The following SPEN variants were observed in gnomAD, a reference collection of about 807,000 sequenced individuals.
SPEN encodes spen family transcriptional repressor.
SPEN carries 18 observed loss-of-function variants against 269.9 expected under a neutral mutation model. The observed-to-expected ratio is 0.07, with a 90% confidence interval of 0.05 to 0.10. The LOEUF (loss-of-function observed/expected upper bound fraction) is 0.10, where lower values mean the gene tolerates loss of function less well. Ranked by LOEUF, SPEN falls within the 10% of genes least tolerant of loss-of-function variation. The pLI, the probability that SPEN is intolerant of heterozygous loss-of-function variation, is 1.00. For synonymous variants in SPEN, 1,726 were observed against 1,765.7 expected (o/e 0.98, Z 0.56); for missense variants, 3,822 against 4,631.2 (o/e 0.83, Z 5.07).
intron 3 of SPEN, among the ~76,000 whole-genome samples, chr1:15,899,922 T>G (rs757976160): frequency 1.3e-5 from 2 of 152,008 alleles, no homozygotes. Context: ...CTCGGCTCAC[T>G]GCAACCTCTG....
intron 3 of SPEN, among the ~76,000 whole-genome samples, chr1:15,902,846 A>G (rs1187050853): frequency 6.6e-6 from 1 of 152,150 alleles, no homozygotes; most frequent in Non-Finnish European, 1.5e-5. Context: ...CCCTCTAACT[A>G]TGTTAGTTGC....
chr1:15,890,335 G>A (rs1038757363), intron 3 of SPEN, among the ~76,000 whole-genome samples: 1 of 151,744 alleles, frequency 6.6e-6, no homozygotes, highest in African/African-American at 2.4e-5. Context: ...GGGTTCAAGC[G>A]ATTTTCCTGC....
At chr1:15,885,974 C>T (rs990190179) in intron 3 of SPEN, among the ~76,000 whole-genome samples, 2 of 152,134 alleles carry the variant, frequency 1.3e-5, no homozygotes, top group Admixed American at 6.6e-5. Flanking sequence ...CCAACCAAGC[C>T]TTTTTTGTGC....
chr1:15,869,367 A>T (rs1194157177), intron 1 of SPEN, among the ~76,000 whole-genome samples: 1 of 151,868 alleles, frequency 6.6e-6, no homozygotes, highest in Non-Finnish European at 1.5e-5. Context: ...TTTTGGTCTA[A>T]ATATAAACTC....
chr1:15,931,589 T>C lies in SPEN; in HGVS notation c.5349T>C (p.Ala1783=), dbSNP rs1376328079. The C allele has an allele frequency of 1.2e-6, 2 of 1,614,052 alleles. No homozygotes were observed. The highest frequency in any genetic ancestry group is 1.3e-5 in the African/African-American group (1 of 74,914). The change falls in exon 11 of 15, where the codon GCT becomes GCC. Residue 1783 remains alanine, a synonymous_variant. Coordinates refer to ENST00000375759, the MANE Select transcript of SPEN (RefSeq NM_015001.3). The surrounding 1 kb of genome is among the most constrained non-coding windows in gnomAD (Gnocchi z 4.8). ...KAEKPDATAD[A]EPDANQKAEA... ...AAAAGCCAGACGCCACTGCAGATGCTGAGCCTGATGCAAACCAGAAAGCCG... is the reference window on the plus strand; with the variant it reads ...AAAAGCCAGACGCCACTGCAGATGCCGAGCCTGATGCAAACCAGAAAGCCG...
At chr1:15,855,242 C>T (rs1213422723) in intron 1 of SPEN, among the ~76,000 whole-genome samples, 1 of 152,114 alleles carries the variant, frequency 6.6e-6, no homozygotes, top group Non-Finnish European at 1.5e-5. Context: ...CTGTTTGGGT[C>T]ACTAGGGAAC....
intron 1 of SPEN, among the ~76,000 whole-genome samples, chr1:15,856,113 C>T (rs967341821): frequency 1.3e-5 from 2 of 150,498 alleles, no homozygotes; most frequent in Non-Finnish European, 3.0e-5. Flanking sequence ...CGTCAGCCTC[C>T]CAAATAGCTG....
At chr1:15,899,545 T>G (rs2070879479) in intron 3 of SPEN, among the ~76,000 whole-genome samples, 1 of 147,878 alleles carries the variant, frequency 6.8e-6, no homozygotes, top group Non-Finnish European at 1.5e-5. Flanking sequence ...GAGTTTTTTT[T>G]TTTTTTTTTT....
intron 3 of SPEN, among the ~76,000 whole-genome samples, chr1:15,893,589 A>G (rs1057281013): frequency 3.3e-5 from 5 of 152,178 alleles, no homozygotes; most frequent in Non-Finnish European, 5.9e-5. Context: ...TGTCCCTGCA[A>G]CTGCCCTAAT....
intron 3 of SPEN, among the ~76,000 whole-genome samples, chr1:15,877,054 G>T (rs1486956008): frequency 6.6e-6 from 1 of 152,160 alleles, no homozygotes; most frequent in Non-Finnish European, 1.5e-5. Flanking sequence ...TTGAAGATTT[G>T]TAAAAGCTGT....
chr1:15,916,664 C>T (rs1354818577), intron 6 of SPEN, among the ~76,000 whole-genome samples: 1 of 152,044 alleles, frequency 6.6e-6, no homozygotes, highest in African/African-American at 2.4e-5. Flanking sequence ...AGACATGTCC[C>T]ACCACGCCCA....
At position 15,939,370 on chromosome 1, in the gene SPEN, C is replaced by G. The variant is rs1164021810; in HGVS notation, c.10938C>G (p.Leu3646=). The G allele has an allele frequency of 1.2e-6, 2 of 1,606,678 alleles. No individual in the cohort carries two copies. The highest frequency in any genetic ancestry group is 4.5e-5 in the East Asian group (2 of 44,078). ...ESHLSRLAPD[L]LASISNISPH... ...ACCTGTCCCGCCTGGCCCCTGACCT[C>G]CTTGCCAGCATCTCCAACATCTCTC... The change falls in exon 15 of 15, where the codon CTC becomes CTG. Residue 3646 remains leucine, a synonymous_variant. Transcript: ENST00000375759. This position sits in a 1 kb window ranked among gnomAD's most constrained non-coding sequence, Gnocchi z 4.1.
At chr1:15,874,719 A>G (rs1243349250) in intron 2 of SPEN, among the ~76,000 whole-genome samples, 1 of 152,204 alleles carries the variant, frequency 6.6e-6, no homozygotes, top group African/African-American at 2.4e-5. Context: ...TTAAGTCTCA[A>G]AGGAAACCCT....
At position 15,935,743 on chromosome 1, in the gene SPEN, G is replaced by A. The variant is rs375335337; in HGVS notation, c.9503G>A (p.Arg3168Gln). 1.2e-5 allele frequency: 20 copies of A among 1,613,146 alleles called. No homozygotes were observed. The highest frequency in any genetic ancestry group is 1.5e-5 in the Non-Finnish European group (18 of 1,179,640). Residue 3168 changes from arginine to glutamine, a missense_variant, in exon 11 of 15, where the codon CGA becomes CAA. Transcript: ENST00000375759. The surrounding 1 kb of genome is among the most constrained non-coding windows in gnomAD (Gnocchi z 7.7). The stretch of plus-strand genomic sequence containing the variant: ...GTGCATTATCACCTTCCTGTCGCTC[G>A]AGCCACAGCCCCTGTGCAGTCAGAG... ...EEVHYHLPVA[R>Q]ATAPVQSEVL... is the part of the protein sequence containing the mutation.
At chr1:15,916,598 C>G (rs558931324) in intron 6 of SPEN, among the ~76,000 whole-genome samples, 1 of 150,396 alleles carries the variant, frequency 6.6e-6, no homozygotes, top group Non-Finnish European at 1.5e-5. Context: ...GCAGCCTCAA[C>G]CTCCTGGGCT....
chr1:15,921,994 A>G (rs2071123682), intron 9 of SPEN, among the ~76,000 whole-genome samples: 12 of 152,044 alleles, frequency 7.9e-5, no homozygotes, highest in Admixed American at 7.9e-4. Flanking sequence ...TCAGTTTTCC[A>G]TTTTGCTTTT....
At chr1:15,854,440 G>A (rs1488493024) in intron 1 of SPEN, among the ~76,000 whole-genome samples, 2 of 152,034 alleles carry the variant, frequency 1.3e-5, no homozygotes, top group East Asian at 3.8e-4. Context: ...GTACTCCTCT[G>A]TGGAAACCAA....
intron 3 of SPEN, among the ~76,000 whole-genome samples, chr1:15,902,511 T>G (rs1436534546): frequency 1.3e-5 from 2 of 152,072 alleles, no homozygotes; most frequent in Admixed American, 6.6e-5. Context: ...TGGTGATGCA[T>G]TCTGTTTAAG....
chr1:15,857,055 C>T (rs2070394691), intron 1 of SPEN, among the ~76,000 whole-genome samples: 1 of 151,826 alleles, frequency 6.6e-6, no homozygotes, highest in Non-Finnish European at 1.5e-5. Context: ...ATCTGCTTTT[C>T]TCCTTCCTGT....
Sources: allele counts gnomAD v4.1 joint callset (sites outside exome capture counted in the v4.1 genomes callset), GRCh38; gene constraint gnomAD v4.1.1; non-coding constraint Gnocchi (gnomAD v3.1); transcripts MANE v1.5; gene names NCBI Gene and HGNC (gene_info 2026-07-23, HGNC 2026-07-21).